NRG1: variants seen among roughly 807,000 people sequenced by gnomAD.
NRG1 encodes the protein pro-neuregulin-1, membrane-bound isoform.
Under a neutral mutation model 63.8 loss-of-function variants are expected in NRG1, and 18 were observed. The ratio of observed to expected loss-of-function variants is 0.28; its 90% CI spans 0.19 to 0.42. NRG1 has a LOEUF of 0.42. NRG1 is among the 10% of genes least tolerant of loss of function. The probability of loss-of-function intolerance (pLI) is 1.00; values close to 1 mark genes in which losing one functional copy is unlikely to be tolerated. For synonymous variants in NRG1, 302 were observed against 301.3 expected, an observed-to-expected ratio of 1.00 and a Z score of -0.02; for missense variants, 762 against 814.7, an observed-to-expected ratio of 0.94 and a Z score of 0.79.
intron 1 of NRG1, among the ~76,000 whole-genome samples, chr8:32,376,252 A>G (rs1481071041): frequency 6.6e-5 from 10 of 152,246 alleles, no homozygotes. Context: ...AAAATGGAAA[A>G]CAAACTGTTA....
At chr8:31,704,445 G>A (rs1810923050) in intron 1 of NRG1, among the ~76,000 whole-genome samples, 1 of 152,116 alleles carries the variant, frequency 6.6e-6, no homozygotes, top group African/African-American at 2.4e-5. Flanking sequence ...CCTTTCTAGT[G>A]TTTTTGTATA....
At chr8:31,639,496 G>C in intron 1 of NRG1, 2 of 1,527,456 alleles carry the variant, frequency 1.3e-6, no homozygotes, top group Non-Finnish European at 1.8e-6. Flanking sequence ...TTCCAGGCAC[G>C]CAACTCCGCC....
At chr8:31,883,630 GT>G in intron 1 of NRG1, among the ~76,000 whole-genome samples, 1 of 152,128 alleles carries the variant, frequency 6.6e-6, no homozygotes, top group Non-Finnish European at 1.5e-5. Flanking sequence ...TTACGCTTTT[GT>G]TTTTCAGCAA....
At chr8:32,748,115 A>G (rs906600234) in intron 7 of NRG1, among the ~76,000 whole-genome samples, 1 of 152,014 alleles carries the variant, frequency 6.6e-6, no homozygotes, top group Non-Finnish European at 1.5e-5. Flanking sequence ...CCCTCTCTAT[A>G]TGAGGTACTT....
chr8:32,764,531 A>C, exon 12 of NRG1: 5 of 846,600 alleles, frequency 5.9e-6, no homozygotes, highest in Non-Finnish European at 8.4e-6. Flanking sequence ...AACTTTTATA[A>C]ATTAAATATA....
intron 1 of NRG1, among the ~76,000 whole-genome samples, chr8:31,794,364 G>A (rs13265306): frequency 0.05 from 7,523 of 151,440 alleles, 253 homozygotes; most frequent in Admixed American, 0.11. Flanking sequence ...AATAATTATT[G>A]GATACTTACC....
intron 1 of NRG1, among the ~76,000 whole-genome samples, chr8:32,027,201 G>A (rs1285174728): frequency 6.6e-6 from 1 of 152,204 alleles, no homozygotes; most frequent in East Asian, 1.9e-4. Flanking sequence ...GTAGTTTCAA[G>A]TAGGGTTGAG....
chr8:32,148,165 A>T (rs749282145), intron 1 of NRG1, among the ~76,000 whole-genome samples: 1 of 152,278 alleles, frequency 6.6e-6, no homozygotes, highest in South Asian at 2.1e-4. Flanking sequence ...CAATAAGCCT[A>T]TGATACTATA....
intron 1 of NRG1, among the ~76,000 whole-genome samples, chr8:31,899,323 C>A (rs991842819): frequency 6.6e-6 from 1 of 151,984 alleles, no homozygotes; most frequent in African/African-American, 2.4e-5. Flanking sequence ...CTCTTTGTCC[C>A]AACTGCCCTT....
intron 5 of NRG1, among the ~76,000 whole-genome samples, chr8:32,654,040 A>G (rs948232155): frequency 2.0e-5 from 3 of 152,082 alleles, no homozygotes; most frequent in Non-Finnish European, 4.4e-5. Flanking sequence ...AGAATTTTAT[A>G]TGCTGAACAT....
intron 1 of NRG1, among the ~76,000 whole-genome samples, chr8:32,057,265 C>G (rs1237375179): frequency 1.3e-5 from 2 of 152,114 alleles, no homozygotes; most frequent in African/African-American, 4.8e-5. Context: ...AATTCTGAAG[C>G]TACAACTGTA....
chr8:32,177,829 G>C (rs1010029398), intron 1 of NRG1, among the ~76,000 whole-genome samples: 14 of 152,068 alleles, frequency 9.2e-5, no homozygotes, highest in African/African-American at 3.1e-4. Flanking sequence ...TTCTGCTTGT[G>C]CTATTGAATA....
At chr8:32,196,114 AAT>A (rs1842922552) in intron 1 of NRG1, among the ~76,000 whole-genome samples, 1 of 98,680 alleles carries the variant, frequency 1.0e-5, no homozygotes, top group Admixed American at 1.3e-4. Context: ...CAGTAAAAAC[AAT>A]GAGTGTGTGT....
At chr8:32,015,734 A>C (rs979509744) in intron 1 of NRG1, among the ~76,000 whole-genome samples, 2 of 151,886 alleles carry the variant, frequency 1.3e-5, no homozygotes, top group African/African-American at 4.8e-5. Context: ...TGATGTCCTG[A>C]CTCTATCTGA....
chr8:32,182,371 T>A (rs1338811054), intron 1 of NRG1, among the ~76,000 whole-genome samples: 1 of 152,120 alleles, frequency 6.6e-6, no homozygotes, highest in African/African-American at 2.4e-5. Context: ...ATCAGCCTCC[T>A]GAGTAGCTGG....
At chr8:32,354,977 C>G (rs1806172725) in intron 1 of NRG1, among the ~76,000 whole-genome samples, 1 of 151,424 alleles carries the variant, frequency 6.6e-6, no homozygotes, top group Non-Finnish European at 1.5e-5. Context: ...AAATTGCAGA[C>G]TAATCTAAAT....
intron 1 of NRG1, among the ~76,000 whole-genome samples, chr8:32,337,683 G>A (rs1332049219): frequency 1.4e-3 from 43 of 30,048 alleles, no homozygotes; most frequent in Non-Finnish European, 1.9e-3. Context: ...AAAAAAAAAA[G>A]CTGATGCAGT....
chr8:32,618,705 T>C (rs752820345), intron 5 of NRG1, among the ~76,000 whole-genome samples: 13 of 152,306 alleles, frequency 8.5e-5, no homozygotes, highest in Non-Finnish European at 1.9e-4. Flanking sequence ...GAACTTAATT[T>C]TATTAGGAGA....
rs542457402 is a variant in NRG1, at chr8:31,983,240, T to C, written c.37+343809T>C. ...AGACACTCATCCAATTTCTCACATGTGAATCTTTTATCTATCTTTGGAAAA... is the reference window on the plus strand; with the variant it reads ...AGACACTCATCCAATTTCTCACATGCGAATCTTTTATCTATCTTTGGAAAA... On this transcript the variant is annotated intron_variant, in intron 1 of 10. Transcript: ENST00000519301. Among the ~76,000 whole-genome samples, 81 of 152,220 alleles carry C rather than the reference T, an allele frequency of 5.3e-4. 2 individuals carry two copies. The South Asian group carries it at 0.015, about 29-fold the overall frequency.
Sources: allele counts gnomAD v4.1 joint callset (sites outside exome capture counted in the v4.1 genomes callset), GRCh38; gene constraint gnomAD v4.1.1; transcripts MANE v1.5; gene names NCBI Gene and HGNC (gene_info 2026-07-23, HGNC 2026-07-21).